Variants in CACNB4 observed in about 807,000 individuals in gnomAD.
The protein encoded by CACNB4 is calcium voltage-gated channel auxiliary subunit beta 4.
A neutral mutation model predicts 71.2 loss-of-function variants in CACNB4; 32 were observed. That is an observed-to-expected ratio of 0.45 (90% CI 0.34 to 0.60). The LOEUF (loss-of-function observed/expected upper bound fraction) is 0.60, where lower values mean the gene tolerates loss of function less well. Among genes scored for constraint, CACNB4 ranks in the 20% least tolerant of loss-of-function variants. CACNB4 has a pLI of 0.01. For synonymous variants in CACNB4, 231 were observed against 236.9 expected (o/e 0.97, Z 0.23); for missense variants, 464 against 647.9 (o/e 0.72, Z 3.08).
At chr2:151,841,787 G>T in intron 13 of CACNB4, 116 bp downstream of exon 13, 1 of 841,238 alleles carries the variant, frequency 1.2e-6, no homozygotes, top group Non-Finnish European at 1.9e-6. Context: ...TAAATATAAT[G>T]TGCACATAGT....
chr2:151,860,046 C>T (rs2099841246), intron 10 of CACNB4: 1 of 152,324 alleles, frequency 6.6e-6, no homozygotes, highest in South Asian at 2.1e-4. Context: ...CTACACCACC[C>T]TTGGCAATCG....
At chr2:152,041,165 T>C (rs1684853809) in intron 2 of CACNB4, among the ~76,000 whole-genome samples, 1 of 152,214 alleles carries the variant, frequency 6.6e-6, no homozygotes, top group Non-Finnish European at 1.5e-5. Context: ...AGTATAATGA[T>C]TGTGAGACAC....
At chr2:151,892,000 G>T (rs1219258182) in intron 2 of CACNB4, among the ~76,000 whole-genome samples, 1 of 152,104 alleles carries the variant, frequency 6.6e-6, no homozygotes, top group Admixed American at 6.6e-5. Flanking sequence ...CATTAGACCC[G>T]GCACAAGGTC....
At chr2:152,056,247 G>C (rs1685721129) in intron 2 of CACNB4, among the ~76,000 whole-genome samples, 1 of 151,742 alleles carries the variant, frequency 6.6e-6, no homozygotes, top group African/African-American at 2.4e-5. Flanking sequence ...TGTAGTCCCA[G>C]CTACTTGGGA....
intron 2 of CACNB4, among the ~76,000 whole-genome samples, chr2:152,076,474 TG>T (rs1687033090): frequency 6.6e-6 from 1 of 152,126 alleles, no homozygotes; most frequent in African/African-American, 2.4e-5. Flanking sequence ...TTTTCATTTT[TG>T]TCCATGCAAG....
chr2:152,056,352 C>T (rs149886758), intron 2 of CACNB4, among the ~76,000 whole-genome samples: 2,477 of 148,842 alleles, frequency 0.017, 73 homozygotes, highest in African/African-American at 0.058. Flanking sequence ...CAGAGTGAGA[C>T]TCTGTCTCAA....
intron 2 of CACNB4, among the ~76,000 whole-genome samples, chr2:152,025,987 A>G (rs12693211): frequency 0.99 from 150,737 of 152,368 alleles, 74,593 homozygotes; most frequent in Middle Eastern, 1. Context: ...AGGATGTGAG[A>G]ACAGGACGTG....
chr2:151,938,391 G>A (rs2099863455), intron 2 of CACNB4, among the ~76,000 whole-genome samples: 1 of 152,162 alleles, frequency 6.6e-6, no homozygotes, highest in Non-Finnish European at 1.5e-5. Context: ...AGCCTCTGAT[G>A]AGTTATATGA....
intron 2 of CACNB4, among the ~76,000 whole-genome samples, chr2:152,031,991 C>T (rs1303275747): frequency 6.6e-6 from 1 of 152,188 alleles, no homozygotes; most frequent in Non-Finnish European, 1.5e-5. Flanking sequence ...GGACAGCAAA[C>T]TCCCTCATTT....
intron 2 of CACNB4, among the ~76,000 whole-genome samples, chr2:152,023,225 C>G (rs1683772695): frequency 6.6e-6 from 1 of 152,012 alleles, no homozygotes; most frequent in Non-Finnish European, 1.5e-5. Flanking sequence ...ATCAGGAGAA[C>G]AGCATGGGGG....
chr2:151,963,931 T>A (rs2099870308), intron 2 of CACNB4, among the ~76,000 whole-genome samples: 1 of 152,042 alleles, frequency 6.6e-6, no homozygotes, highest in South Asian at 2.1e-4. Flanking sequence ...TAGCTGGGCA[T>A]GGTGGCACAC....
intron 2 of CACNB4, among the ~76,000 whole-genome samples, chr2:152,043,949 T>C (rs1685007337): frequency 6.6e-6 from 1 of 152,140 alleles, no homozygotes; most frequent in South Asian, 2.1e-4. Context: ...CACATTCCTA[T>C]AGTCCCAGTT....
intron 2 of CACNB4, among the ~76,000 whole-genome samples, chr2:151,895,096 CCACACACACACACACA>C (rs58504924): frequency 4.5e-5 from 1 of 22,288 alleles, no homozygotes; most frequent in African/African-American, 6.2e-5. Flanking sequence ...TCAAATAGCC[CCACACACACACACACA>C]CACACACACA....
chr2:152,077,398 C>T (rs1283108150), intron 2 of CACNB4, among the ~76,000 whole-genome samples: 1 of 152,012 alleles, frequency 6.6e-6, no homozygotes, highest in Non-Finnish European at 1.5e-5. Context: ...ACTAAAAATA[C>T]AAAAATTAGC....
In CACNB4 at chr2:152,064,289, GAA is replaced by G. The variant is rs1006091732; in HGVS notation, c.147+34039_147+34040del. On this transcript the variant is annotated intron_variant, in intron 2 of 13. Transcript: ENST00000539935. Reference sequence around the variant, plus strand: ...AAAAACATTTGCTGGAGTGCAGGAAGAAAATATTCAAGTCTCTATTTCCATAT... The same window carrying G: ...AAAAACATTTGCTGGAGTGCAGGAAGAATATTCAAGTCTCTATTTCCATAT... Among the ~76,000 whole-genome samples the G allele has an allele frequency of 3.9e-5, 6 of 152,176 alleles. No homozygotes were observed. In the South Asian group the frequency reaches 8.3e-4, roughly 21 times the overall value.
At chr2:152,084,888 G>C (rs186794864) in intron 2 of CACNB4, among the ~76,000 whole-genome samples, 1 of 151,972 alleles carries the variant, frequency 6.6e-6, no homozygotes, top group Non-Finnish European at 1.5e-5. Flanking sequence ...GCTTCCCAAA[G>C]TGCTGGGATT....
intron 2 of CACNB4, among the ~76,000 whole-genome samples, chr2:152,044,008 C>A (rs575939119): frequency 1.4e-4 from 21 of 152,198 alleles, no homozygotes; most frequent in Non-Finnish European, 1.9e-4. Flanking sequence ...GAGTTCAAGG[C>A]TGGCCTGGGC....
At chr2:151,974,079 G>T in intron 2 of CACNB4, 2 of 448,030 alleles carry the variant, frequency 4.5e-6, no homozygotes, top group Non-Finnish European at 6.1e-6. Flanking sequence ...ATCCTACCCA[G>T]CAAAGAGCTG....
Position 151,837,389 on chromosome 2 carries a change from C to T in CACNB4, c.*1730G>A, listed in dbSNP as rs1356112732. 1 of 151,904 alleles carries T rather than the reference C, an allele frequency of 6.6e-6. No homozygotes were observed. The highest frequency in any genetic ancestry group is 1.5e-5 in the Non-Finnish European group (1 of 67,890). 9.4% of individuals were successfully genotyped at this position (151,904 alleles called of 1,614,324 possible). A position where few individuals can be genotyped will look rare whatever the true frequency, so the allele number is the denominator to read the frequency against. On this transcript the variant is annotated 3_prime_UTR_variant, in exon 14 of 14. Transcript: ENST00000539935. ...AATGGGGTTCAAGATATATATATAA[C>T]TCATCAGTAATGTGGAACTTATTTC...
Sources: allele counts gnomAD v4.1 joint callset (sites outside exome capture counted in the v4.1 genomes callset), GRCh38; gene constraint gnomAD v4.1.1; transcripts MANE v1.5; gene names NCBI Gene and HGNC (gene_info 2026-07-23, HGNC 2026-07-21).